The following ABCA8 variants were observed in gnomAD, a reference collection of about 807,000 sequenced individuals.
ABCA8 encodes the protein ATP binding cassette subfamily A member 8, also known as ABC-type organic anion transporter ABCA8.
Under a neutral mutation model 192.3 loss-of-function variants are expected in ABCA8, and 177 were observed. That is an observed-to-expected ratio of 0.92 (90% CI 0.81 to 1.04). ABCA8 has a LOEUF of 1.04. Among genes scored for constraint, ABCA8 ranks in the 50% least tolerant of loss-of-function variants. ABCA8 has a pLI of 0.00. For synonymous variants in ABCA8, 642 were observed against 690.2 expected (o/e 0.93, Z 1.09); for missense variants, 1,915 against 1,904.8 (o/e 1.01, Z -0.10).
At chr17:68,909,064 C>T (rs990915911) in intron 17 of ABCA8, among the ~76,000 whole-genome samples, 1 of 152,092 alleles carries the variant, frequency 6.6e-6, no homozygotes, top group Non-Finnish European at 1.5e-5. Context: ...CAAAAAATGT[C>T]GTAGCTGTTT....
At chr17:68,953,444 T>C (rs1173773825) in intron 1 of ABCA8, among the ~76,000 whole-genome samples, 1 of 152,200 alleles carries the variant, frequency 6.6e-6, no homozygotes, top group Non-Finnish European at 1.5e-5. Flanking sequence ...TGCTACTTTC[T>C]AGAGCCAAAT....
chr17:68,903,629 C>A (rs1255283619), intron 19 of ABCA8, 130 bp from the exon 20 acceptor site: 1 of 717,978 alleles, frequency 1.4e-6, no homozygotes, highest in Non-Finnish European at 2.3e-6. Context: ...CTGGTTACTG[C>A]CTTAAAATAC....
chr17:68,876,467 G>T lies in ABCA8; in HGVS notation c.4363C>A (p.Gln1455Lys). 1.9e-6 allele frequency: 3 copies of T among 1,613,940 alleles called. No individual in the cohort carries two copies. The highest frequency in any genetic ancestry group is 2.5e-6 in the Non-Finnish European group (3 of 1,179,890). Residue 1455 changes from glutamine to lysine, a missense_variant, in exon 35 of 40, where the codon CAA (glutamine) becomes AAA (lysine). Transcript: ENST00000586539. ...CGTGGTAATGTTCCTCACCACATTT[G>T]CTGCTGCCCCTCGGGGTCCATCCCG... ...STGMDPEGQQ[Q>K]MWQAIRATFR...
chr17:68,946,865 C>T (rs1451884529), intron 2 of ABCA8, among the ~76,000 whole-genome samples: 1 of 152,070 alleles, frequency 6.6e-6, no homozygotes, highest in Non-Finnish European at 1.5e-5. Context: ...CGCTTGAACC[C>T]AGGAGGCAGA....
intron 32 of ABCA8, chr17:68,880,086 G>A (rs1169692911): frequency 1.3e-5 from 2 of 152,180 alleles, no homozygotes; most frequent in Admixed American, 6.5e-5. Flanking sequence ...GACCCAGAGT[G>A]AGAACTTATG....
chr17:68,918,464 T>A lies in ABCA8; in HGVS notation c.1871A>T (p.Lys624Met). The part of the protein sequence containing the change: ...AQNLSGGQKR[K>M]LTFGIAILGD... ...TAAAATGGCAATCCCAAAGGTTAGC[T>A]TTCTTTTCTGTCCACCACTTAAGTT... Residue 624 changes from lysine (K) to methionine (M), a missense_variant, in exon 15 of 40, where the codon AAG becomes ATG. By Grantham distance (95) the Lys-to-Met change is moderately conservative (BLOSUM62 -1). Transcript: ENST00000586539. 6.4e-7 allele frequency: 1 copy of A among 1,568,494 alleles called. No individual in the cohort carries two copies. Among genetic ancestry groups the A allele is most frequent in the Middle Eastern group, 1.7e-4 (1 of 6,018 alleles).
intron 19 of ABCA8, among the ~76,000 whole-genome samples, chr17:68,904,291 AAATAATAATAATAATAATAATAAT>A (rs71144635): frequency 0.43 from 61,341 of 144,316 alleles, 14,105 homozygotes; most frequent in South Asian, 0.56. Flanking sequence ...CAAAAAAAAG[AAATAATAATAATAATAATAATAAT>A]AATAATAATA....
rs533754999 is a variant in ABCA8, at chr17:68,930,182, G to A, written c.798-480C>T. Among the ~76,000 whole-genome samples the A allele has an allele frequency of 3.3e-5, 5 of 152,242 alleles. No individual in the cohort carries two copies. In the East Asian group the frequency reaches 9.6e-4, roughly 29 times the overall value. On this transcript the variant is annotated intron_variant, in intron 7 of 39. Transcript: ENST00000586539. Reference sequence around the variant, plus strand: ...TAGGGCACTGTCTTAATACAGGGTAGCCCCTCAGTGAACCTCAGACCCTTC... The same window carrying A: ...TAGGGCACTGTCTTAATACAGGGTAACCCCTCAGTGAACCTCAGACCCTTC...
Position 68,944,316 on chromosome 17 carries a change from TTATATATATATATATATATA to T in ABCA8, c.-5-2297_-5-2278del, listed in dbSNP as rs1177610587. 1.4e-3 allele frequency among the ~76,000 whole-genome samples: 41 copies of T among 29,288 alleles called. 2 individuals are homozygous for T. The highest frequency in any genetic ancestry group is 2.6e-3 in the Admixed American group (6 of 2,298). 19.2% of individuals were successfully genotyped at this position (29,288 alleles called of 152,430 possible). ...AGCACATGTAGCCCAGAACTTAAAG[TTATATATATATATATATATA>T]TATATATATATATATATATATATAC... On this transcript the variant is annotated intron_variant, in intron 2 of 39. Coordinates refer to ENST00000586539, the MANE Select transcript of ABCA8 (RefSeq NM_001288985.2).
intron 29 of ABCA8, among the ~76,000 whole-genome samples, chr17:68,883,170 T>C (rs906452227): frequency 6.6e-6 from 1 of 152,216 alleles, no homozygotes; most frequent in African/African-American, 2.4e-5. Context: ...TTCTAGTCTC[T>C]CTTCCCTTGA....
chr17:68,909,439 G>C lies in ABCA8; in HGVS notation c.2139-1560C>G, dbSNP rs1259159687. The stretch of plus-strand genomic sequence containing the variant: ...ATGAGCTATAATTTGTTGGCCCTTA[G>C]ATTAGAAGAAAATAAGGCAATTGCA... On this transcript the variant is annotated intron_variant, in intron 17 of 39. Transcript: ENST00000586539. 2.0e-5 allele frequency among the ~76,000 whole-genome samples: 3 copies of C among 152,300 alleles called. No homozygotes were observed. The South Asian group carries it at 6.2e-4, about 32-fold the overall frequency.
intron 4 of ABCA8, among the ~76,000 whole-genome samples, chr17:68,939,018 G>A (rs553361833): frequency 2.6e-5 from 4 of 152,172 alleles, no homozygotes; most frequent in East Asian, 1.9e-4. Flanking sequence ...ATGTGGGTCC[G>A]ATCCAACAGG....
intron 27 of ABCA8, 62 bp downstream of exon 27, chr17:68,885,134 G>T: frequency 1.9e-6 from 3 of 1,539,560 alleles, no homozygotes; most frequent in Middle Eastern, 1.7e-4. Context: ...TTCAACATTG[G>T]GCAAAGCTTC....
At position 68,907,921 on chromosome 17, in the gene ABCA8, A is replaced by G. The variant is rs772194384; in HGVS notation, c.2139-42T>C. 1.2e-5 allele frequency: 18 copies of G among 1,493,606 alleles called. No homozygotes were observed. The South Asian group carries it at 1.6e-4, about 13-fold the overall frequency. 92.5% of individuals were successfully genotyped at this position (1,493,606 alleles called of 1,614,324 possible). A position where few individuals can be genotyped will look rare whatever the true frequency, so the allele number is the denominator to read the frequency against. ...AAAAAAAAGACATATGTTACTCGAC[A>G]TAGTCTCCAATAGCAAGAAAATAAT... On this transcript the variant is annotated intron_variant, in intron 17 of 39. Coordinates refer to ENST00000586539, the MANE Select transcript of ABCA8 (RefSeq NM_001288985.2).
chr17:68,945,025 A>T (rs932212490), intron 2 of ABCA8: 1 of 152,236 alleles, frequency 6.6e-6, no homozygotes, highest in African/African-American at 2.4e-5. Flanking sequence ...CCTCCTGCCC[A>T]TATCTCAAGC....
At chr17:68,927,021 C>T (rs2067719792) in intron 10 of ABCA8, among the ~76,000 whole-genome samples, 1 of 151,998 alleles carries the variant, frequency 6.6e-6, no homozygotes, top group Admixed American at 6.6e-5. Flanking sequence ...TTTGGGAGGC[C>T]GAGGCGGGTG....
chr17:68,947,454 T>C (rs1410268989), intron 2 of ABCA8, among the ~76,000 whole-genome samples: 1 of 152,230 alleles, frequency 6.6e-6, no homozygotes, highest in Admixed American at 6.5e-5. Flanking sequence ...CTCAGTGTTA[T>C]GTTAGCTTTA....
Position 68,869,756 on chromosome 17 carries a change from T to A in ABCA8, c.4655A>T (p.Lys1552Met), listed in dbSNP as rs368969545. 5 of 1,612,810 alleles carry A rather than the reference T, an allele frequency of 3.1e-6. No individual in the cohort carries two copies. The African/African-American group carries it at 6.7e-5, about 22-fold the overall frequency. The change falls in exon 38 of 40, where the codon AAG becomes ATG. Residue 1552 changes from lysine to methionine, a missense_variant. Lys to Met is a moderately conservative substitution (Grantham distance 95). Coordinates refer to ENST00000586539, the MANE Select transcript of ABCA8 (RefSeq NM_001288985.2). Reference protein sequence around the residue: ...QERYSSLMVYKLPVEDVQPLA... With the variant: ...QERYSSLMVYMLPVEDVQPLA... ...AGGTTGCACATCTTCCACTGGCAAC[T>A]TATAAACCATCAGAGAGGAGTACCT...
intron 35 of ABCA8, 85 bp downstream of exon 35, chr17:68,876,375 A>ATTTTTTT (rs2066205346): frequency 3.9e-6 from 6 of 1,549,236 alleles, no homozygotes; most frequent in Middle Eastern, 3.4e-4. Context: ...AAAGAGTTTA[A>ATTTTTTT]GGGACAATTT....
Sources: allele counts gnomAD v4.1 joint callset (sites outside exome capture counted in the v4.1 genomes callset), GRCh38; gene constraint gnomAD v4.1.1; transcripts MANE v1.5; gene names NCBI Gene and HGNC (gene_info 2026-07-23, HGNC 2026-07-21).